The following ARHGAP29 variants were observed in gnomAD, a reference collection of about 807,000 sequenced individuals.
ARHGAP29 encodes the protein rho GTPase-activating protein 29.
Under a neutral mutation model 122.6 loss-of-function variants are expected in ARHGAP29, and 43 were observed. That is an observed-to-expected ratio of 0.35 (90% CI 0.27 to 0.45). The LOEUF is 0.45. Ranked by LOEUF, ARHGAP29 falls within the 20% of genes least tolerant of loss-of-function variation. The pLI, the probability that ARHGAP29 is intolerant of heterozygous loss-of-function variation, is 1.00. For missense variants in ARHGAP29, 1,303 were observed against 1,477.2 expected, an observed-to-expected ratio of 0.88 and a Z score of 1.93; for synonymous variants, 506 against 497.1, an observed-to-expected ratio of 1.02 and a Z score of -0.24.
chr1:94,201,777 T>A lies in ARHGAP29; in HGVS notation c.1224A>T (p.Arg408Ser). 1 of 1,614,078 alleles carries A rather than the reference T, an allele frequency of 6.2e-7. No individual in the cohort carries two copies. Among genetic ancestry groups the A allele is most frequent in the Non-Finnish European group, 8.5e-7 (1 of 1,179,996 alleles). Residue 408 changes from arginine to serine, a missense_variant, in exon 12 of 23, where the codon AGA becomes AGT. Coordinates refer to ENST00000260526, the MANE Select transcript of ARHGAP29 (RefSeq NM_004815.4). ...GTGTCCGGAGTTGTGCTAAAATTTC[T>A]CTTTTGGTATTTTCTAGATCATTTC... Reference protein sequence around the residue: ...ERRNDLENTKREILAQLRTLV... With the variant: ...ERRNDLENTKSEILAQLRTLV...
chr1:94,285,645 A>G, the ARHGAP29 span, among the ~76,000 whole-genome samples: 1 of 152,064 alleles, frequency 6.6e-6, no homozygotes, highest in Non-Finnish European at 1.5e-5. Context: ...GGGAGGCCAA[A>G]GTGGGTGGAT....
intron 12 of ARHGAP29, among the ~76,000 whole-genome samples, chr1:94,198,715 T>A (rs527780355): frequency 1.3e-5 from 2 of 152,326 alleles, no homozygotes; most frequent in South Asian, 4.1e-4. Context: ...AATATGTTCA[T>A]GTGTTGGCAA....
chr1:94,177,790 C>A, intron 21 of ARHGAP29, 62 bp downstream of exon 21: 2 of 1,554,616 alleles, frequency 1.3e-6, no homozygotes, highest in African/African-American at 2.8e-5. Context: ...GTTCAAAGAT[C>A]TTTAACTTAT....
At chr1:94,309,340 G>A in the ARHGAP29 span, among the ~76,000 whole-genome samples, 1 of 152,224 alleles carries the variant, frequency 6.6e-6, no homozygotes, top group Non-Finnish European at 1.5e-5. Flanking sequence ...GAGGTCCTCT[G>A]AGAGGGGAGG....
the ARHGAP29 span, among the ~76,000 whole-genome samples, chr1:94,280,696 T>C: frequency 6.6e-6 from 1 of 152,202 alleles, no homozygotes; most frequent in Non-Finnish European, 1.5e-5. Flanking sequence ...AGAGCCAAAC[T>C]GTAGCAAAGG....
intron 2 of ARHGAP29, among the ~76,000 whole-genome samples, chr1:94,228,452 T>C (rs187286009): frequency 1.6e-4 from 24 of 151,918 alleles, no homozygotes; most frequent in African/African-American, 4.8e-4. Flanking sequence ...AATTAAGCCA[T>C]ATTCCAAAGC....
chr1:94,262,642 T>C (rs900489978), intron 1 of ARHGAP29, among the ~76,000 whole-genome samples: 12 of 152,032 alleles, frequency 7.9e-5, no homozygotes, highest in African/African-American at 2.9e-4. Flanking sequence ...GATAAGTATA[T>C]GAAAAAAAGC....
chr1:94,188,956 A>G lies in ARHGAP29; in HGVS notation c.1577-15T>C. ...AAAGGAAGGACCTTTAATAAAAAGA[A>G]TAAAGTCAAAACTTGGCTACAGGTA... On this transcript the variant is annotated splice_polypyrimidine_tract_variant and intron_variant, in intron 14 of 22. Transcript: ENST00000260526. 6.2e-7 allele frequency: 1 copy of G among 1,607,690 alleles called. No individual in the cohort carries two copies.
At chr1:94,245,497 C>T (rs1475992116) in intron 1 of ARHGAP29, among the ~76,000 whole-genome samples, 1 of 152,126 alleles carries the variant, frequency 6.6e-6, no homozygotes, top group African/African-American at 2.4e-5. Context: ...GGTATGATTC[C>T]ATTTACATAA....
the ARHGAP29 span, among the ~76,000 whole-genome samples, chr1:94,296,383 A>T: frequency 2.0e-5 from 3 of 152,316 alleles, no homozygotes; most frequent in African/African-American, 7.2e-5. Flanking sequence ...TGATGCTGGC[A>T]TATTTTTATA....
the ARHGAP29 span, among the ~76,000 whole-genome samples, chr1:94,295,075 G>T: frequency 2.0e-5 from 3 of 152,294 alleles, 1 homozygote; most frequent in Non-Finnish European, 4.4e-5. Context: ...CAAGAAGAAG[G>T]TTTGAAATTG....
intron 2 of ARHGAP29, among the ~76,000 whole-genome samples, chr1:94,229,159 A>G (rs1652787072): frequency 6.6e-6 from 1 of 151,818 alleles, no homozygotes; most frequent in Non-Finnish European, 1.5e-5. Flanking sequence ...CGTTGTGGTG[A>G]TAACTCAGAA....
chr1:94,237,160 A>G (rs539840632), intron 1 of ARHGAP29, among the ~76,000 whole-genome samples: 1 of 152,138 alleles, frequency 6.6e-6, no homozygotes, highest in Non-Finnish European at 1.5e-5. Context: ...GCTCCCGGCC[A>G]CCGCTGGCGT....
At chr1:94,230,068 T>TCA (rs1229454378) in intron 2 of ARHGAP29, among the ~76,000 whole-genome samples, 1 of 151,720 alleles carries the variant, frequency 6.6e-6, no homozygotes, top group African/African-American at 2.4e-5. Flanking sequence ...AACTAATACA[T>TCA]CACTTTAAAT....
chr1:94,177,508 C>A, intron 22 of ARHGAP29, 104 bp downstream of exon 22: 1 of 795,096 alleles, frequency 1.3e-6, no homozygotes, highest in Non-Finnish European at 1.9e-6. Context: ...AATAAAGCTT[C>A]ATTCTCTGGC....
At chr1:94,306,339 T>A in the ARHGAP29 span, among the ~76,000 whole-genome samples, 2 of 152,130 alleles carry the variant, frequency 1.3e-5, no homozygotes, top group African/African-American at 4.8e-5. Flanking sequence ...AGAGAGAAAA[T>A]GTAAAAGGGC....
At chr1:94,252,461 C>T (rs1654134381) in intron 1 of ARHGAP29, among the ~76,000 whole-genome samples, 1 of 152,132 alleles carries the variant, frequency 6.6e-6, no homozygotes, top group Non-Finnish European at 1.5e-5. Context: ...GGGTGTTTGT[C>T]CAAGATCACC....
intron 15 of ARHGAP29, among the ~76,000 whole-genome samples, chr1:94,187,212 C>T (rs1273658532): frequency 6.6e-6 from 1 of 152,216 alleles, no homozygotes; most frequent in African/African-American, 2.4e-5. Context: ...AGCAGCTCAA[C>T]TGGGAATGAG....
chr1:94,249,142 A>G (rs1192151221), intron 1 of ARHGAP29, among the ~76,000 whole-genome samples: 2 of 152,232 alleles, frequency 1.3e-5, no homozygotes, highest in African/African-American at 4.8e-5. Flanking sequence ...CAAATCCTCT[A>G]ACACTGACTC....
Sources: allele counts gnomAD v4.1 joint callset (sites outside exome capture counted in the v4.1 genomes callset), GRCh38; gene constraint gnomAD v4.1.1; transcripts MANE v1.5; gene names NCBI Gene and HGNC (gene_info 2026-07-23, HGNC 2026-07-21).